Variants in UPF2 observed in about 807,000 individuals in gnomAD.
The protein encoded by UPF2 is regulator of nonsense transcripts 2.
A neutral mutation model predicts 141.4 loss-of-function variants in UPF2; 17 were observed. That is an observed-to-expected ratio of 0.12 (90% CI 0.08 to 0.18). The LOEUF is 0.18. Among genes scored for constraint, UPF2 ranks in the 10% least tolerant of loss-of-function variants. The pLI, the probability that UPF2 is intolerant of heterozygous loss-of-function variation, is 1.00. For missense variants in UPF2, 1,152 were observed against 1,515.9 expected (o/e 0.76, Z 3.99); for synonymous variants, 540 against 498.0 (o/e 1.08, Z -1.12).
In UPF2 at chr10:11,953,788, A is replaced by C. The variant is rs143799030; in HGVS notation, c.2850+1444T>G. Among the ~76,000 whole-genome samples, 533 of 152,324 alleles carry C rather than the reference A, an allele frequency of 3.5e-3. 1 individual carries two copies. The highest frequency in any genetic ancestry group is 0.012 in the African/African-American group (512 of 41,582). On this transcript the variant is annotated intron_variant, in intron 14 of 21. Transcript: ENST00000357604. The surrounding 1 kb of genome is among the most constrained non-coding windows in gnomAD (Gnocchi z 5.0). The stretch of plus-strand genomic sequence containing the variant: ...CCCCACTTTTTGCTCATCAATTCAG[A>C]AAGTAAGGGAGTAATAGGTTTCCCT...
rs772281011 is a variant in UPF2, at chr10:12,014,632, C to A, written c.1146-448G>T. ...ATTTAACAATATATCACAAAATAATCAAAAATTATTTGGTTTTTTATTACT... is the reference window on the plus strand; with the variant it reads ...ATTTAACAATATATCACAAAATAATAAAAAATTATTTGGTTTTTTATTACT... On this transcript the variant is annotated intron_variant, in intron 3 of 21. Coordinates refer to ENST00000357604, the MANE Select transcript of UPF2 (RefSeq NM_015542.4). This position sits in a 1 kb window ranked among gnomAD's most constrained non-coding sequence, Gnocchi z 5.0. Among the ~76,000 whole-genome samples the A allele has an allele frequency of 3.3e-5, 5 of 152,062 alleles. No homozygotes were observed. The highest frequency in any genetic ancestry group is 1.9e-4 in the East Asian group (1 of 5,196).
intron 10 of UPF2, 22 bp downstream of exon 10, chr10:11,967,319 A>C: frequency 7.5e-7 from 1 of 1,331,650 alleles, no homozygotes; most frequent in South Asian, 1.6e-5. Context: ...AATTAAAAAC[A>C]ATCAACTAAT....
At chr10:12,005,124 G>A (rs1302132716) in intron 4 of UPF2, among the ~76,000 whole-genome samples, 1 of 138,176 alleles carries the variant, frequency 7.2e-6, no homozygotes, top group African/African-American at 2.7e-5. Flanking sequence ...TTTTTTTTTG[G>A]CAACTCATAA....
At chr10:12,037,723 G>A (rs976783795) in intron 1 of UPF2, among the ~76,000 whole-genome samples, 6 of 151,832 alleles carry the variant, frequency 4.0e-5, no homozygotes, top group African/African-American at 1.5e-4. Flanking sequence ...AAAAGCAATA[G>A]TATCCTTAAA....
Position 11,940,281 on chromosome 10 carries a change from A to C in UPF2, c.3378+2384T>G, listed in dbSNP as rs1406058899. Among the ~76,000 whole-genome samples, 1 of 152,134 alleles carries C rather than the reference A, an allele frequency of 6.6e-6. No individual in the cohort carries two copies. The highest frequency in any genetic ancestry group is 6.5e-5 in the Admixed American group (1 of 15,272). ...GCAAAAATTATTGGACCATATCAAAAACTTCTATTCCTTTGACTTCATCAG... is the reference window on the plus strand; with the variant it reads ...GCAAAAATTATTGGACCATATCAAACACTTCTATTCCTTTGACTTCATCAG... On this transcript the variant is annotated intron_variant, in intron 18 of 21. Coordinates refer to ENST00000357604, the MANE Select transcript of UPF2 (RefSeq NM_015542.4). This position sits in a 1 kb window ranked among gnomAD's most constrained non-coding sequence, Gnocchi z 4.2.
intron 4 of UPF2, among the ~76,000 whole-genome samples, chr10:12,005,473 A>T (rs762714348): frequency 1.3e-5 from 2 of 152,254 alleles, no homozygotes; most frequent in Admixed American, 1.3e-4. Flanking sequence ...CAACCTGATT[A>T]GTAGAAGTCG....
chr10:12,014,054 C>T lies in UPF2; in HGVS notation c.1276G>A (p.Asp426Asn). 1.3e-6 allele frequency: 2 copies of T among 1,581,906 alleles called. No homozygotes were observed. The highest frequency in any genetic ancestry group is 2.3e-5 in the South Asian group (2 of 85,704). The change falls in exon 4 of 22, where the codon GAT (aspartate) becomes AAT (asparagine). Residue 426 changes from aspartate to asparagine, a missense_variant. Physicochemically the swap from Asp to Asn is conservative, Grantham distance 23. Coordinates refer to ENST00000357604, the MANE Select transcript of UPF2 (RefSeq NM_015542.4). The surrounding 1 kb of genome is among the most constrained non-coding windows in gnomAD (Gnocchi z 5.0). ...LADLLDENMPDLPQDKPTPEE... is the reference protein window; with the variant it reads ...LADLLDENMPNLPQDKPTPEE... ...GGTGTTGGTTTGTCTTGAGGAAGAT[C>T]TGGCATATTTTCATCCAAAAGGTCT...
intron 21 of UPF2, among the ~76,000 whole-genome samples, chr10:11,928,951 C>A (rs1346708025): frequency 6.6e-6 from 1 of 152,190 alleles, no homozygotes; most frequent in African/African-American, 2.4e-5. Context: ...GAGTTCGAGA[C>A]CAGCCTGGCC....
chr10:11,953,751 G>T lies in UPF2; in HGVS notation c.2850+1481C>A, dbSNP rs1833107202. Among the ~76,000 whole-genome samples, 1 of 152,150 alleles carries T rather than the reference G, an allele frequency of 6.6e-6. No individual in the cohort carries two copies. The highest frequency in any genetic ancestry group is 1.5e-5 in the Non-Finnish European group (1 of 68,034). On this transcript the variant is annotated intron_variant, in intron 14 of 21. Transcript: ENST00000357604. The surrounding 1 kb of genome is among the most constrained non-coding windows in gnomAD (Gnocchi z 5.0). Reference sequence around the variant, plus strand: ...AACAGGGACTGCAACCCTCAAATCTGCAAGTCCTTTTCCCCACTTTTTGCT... The same window carrying T: ...AACAGGGACTGCAACCCTCAAATCTTCAAGTCCTTTTCCCCACTTTTTGCT...
intron 8 of UPF2, among the ~76,000 whole-genome samples, chr10:11,981,576 T>C (rs1278336589): frequency 6.6e-6 from 1 of 152,228 alleles, no homozygotes; most frequent in East Asian, 1.9e-4. Context: ...AAAATATTTT[T>C]AAGGTTTTAT....
rs1347220258 is a variant in UPF2 at position 12,042,425 on chromosome 10, A to G, written c.-19+330T>C. ...CCCCGACCTCCCCTCGCTCTCCTCC[A>G]CGCCCCCGAACACTTTCGCCCCTCC... On this transcript the variant is annotated intron_variant, in intron 1 of 21. Transcript: ENST00000357604. The surrounding 1 kb of genome is among the most constrained non-coding windows in gnomAD (Gnocchi z 5.5). Among the ~76,000 whole-genome samples the G allele has an allele frequency of 6.7e-6, 1 of 149,104 alleles. No individual in the cohort carries two copies. The highest frequency in any genetic ancestry group is 1.5e-5 in the Non-Finnish European group (1 of 67,032).
intron 8 of UPF2, among the ~76,000 whole-genome samples, chr10:11,985,092 C>A (rs1246514475): frequency 6.6e-6 from 1 of 152,146 alleles, no homozygotes; most frequent in Non-Finnish European, 1.5e-5. Context: ...CGGGAAAATG[C>A]TTTCAGCTTT....
Position 11,967,366 on chromosome 10 carries a change from T to C in UPF2, c.2042A>G (p.Lys681Arg). The C allele has an allele frequency of 6.3e-7, 1 of 1,582,084 alleles. No individual in the cohort carries two copies. The highest frequency in any genetic ancestry group is 1.2e-5 in the South Asian group (1 of 83,864). The change falls in exon 10 of 22, where the codon AAA becomes AGA. Residue 681 changes from lysine to arginine, a missense_variant. Around this residue, in one of 4 missense-constraint regions of UPF2, gnomAD observed 739 missense variants for 1,032.2 expected, o/e 0.72. Coordinates refer to ENST00000357604, the MANE Select transcript of UPF2 (RefSeq NM_015542.4). ...CTTTAAACAATGCAGTGTGTCATTT[T>C]TGGTGAACATCTTAAACTTAGTTAG... Reference protein sequence around the residue: ...GELTKFKMFTKNDTLHCLKML... With the variant: ...GELTKFKMFTRNDTLHCLKML...
At chr10:12,030,880 T>C (rs1414151388) in intron 2 of UPF2, among the ~76,000 whole-genome samples, 2 of 146,510 alleles carry the variant, frequency 1.4e-5, no homozygotes, top group Non-Finnish European at 3.0e-5. Flanking sequence ...CAAGACTCTG[T>C]CTCAAAAAAA....
chr10:11,929,255 G>A (rs989666373), intron 21 of UPF2, among the ~76,000 whole-genome samples: 2 of 152,210 alleles, frequency 1.3e-5, no homozygotes, highest in African/African-American at 4.8e-5. Context: ...ACCCTGACCT[G>A]AGAAATTCTA....
In UPF2 at chr10:11,980,986, A is replaced by G. The variant is rs946950507; in HGVS notation, c.1845-1821T>C. Among the ~76,000 whole-genome samples, 1 of 151,570 alleles carries G rather than the reference A, an allele frequency of 6.6e-6. No homozygotes were observed. The highest frequency in any genetic ancestry group is 2.4e-5 in the African/African-American group (1 of 41,216). On this transcript the variant is annotated intron_variant, in intron 8 of 21. Coordinates refer to ENST00000357604, the MANE Select transcript of UPF2 (RefSeq NM_015542.4). The surrounding 1 kb of genome is among the most constrained non-coding windows in gnomAD (Gnocchi z 4.2). Reference sequence around the variant, plus strand: ...GTGGATCACCTGAGGTGAGGAGTTCAAGACCAGCCTGGCCAACATGGTGAA... The same window carrying G: ...GTGGATCACCTGAGGTGAGGAGTTCGAGACCAGCCTGGCCAACATGGTGAA...
chr10:12,035,580 T>C (rs1359485527), intron 1 of UPF2, 139 bp from the exon 2 acceptor site: 3 of 895,290 alleles, frequency 3.4e-6, no homozygotes, highest in Non-Finnish European at 4.7e-6. Flanking sequence ...ATGAATACTA[T>C]TTCTGTTACA....
At chr10:11,955,069 T>A (rs188012563) in intron 14 of UPF2, among the ~76,000 whole-genome samples, 163 bp downstream of exon 14, 1 of 152,198 alleles carries the variant, frequency 6.6e-6, no homozygotes, top group African/African-American at 2.4e-5. Context: ...GAATCCATCA[T>A]ATATCTTTAA....
chr10:11,996,736 T>TCC (rs1469883827), intron 8 of UPF2, among the ~76,000 whole-genome samples: 4 of 152,150 alleles, frequency 2.6e-5, no homozygotes, highest in African/African-American at 9.7e-5. Context: ...ATTAACACAT[T>TCC]CCCTCTCCCT....
Sources: allele counts gnomAD v4.1 joint callset (sites outside exome capture counted in the v4.1 genomes callset), GRCh38; gene constraint gnomAD v4.1.1; regional missense constraint gnomAD v4.1.1; non-coding constraint Gnocchi (gnomAD v3.1); transcripts MANE v1.5; gene names NCBI Gene and HGNC (gene_info 2026-07-23, HGNC 2026-07-21).